KIF13A: variants seen among roughly 807,000 people sequenced by gnomAD.
KIF13A encodes kinesin-like protein KIF13A.
A neutral mutation model predicts 212.2 loss-of-function variants in KIF13A; 79 were observed. The observed-to-expected ratio is 0.37, with a 90% CI of 0.31 to 0.45. KIF13A has a LOEUF of 0.45. Among genes scored for constraint, KIF13A ranks in the 20% least tolerant of loss-of-function variants. The pLI, the probability that KIF13A is intolerant of heterozygous loss-of-function variation, is 1.00. For missense variants in KIF13A, 1,901 were observed against 2,209.0 expected (o/e 0.86, Z 2.79); for synonymous variants, 789 against 808.6 (o/e 0.98, Z 0.41).
At chr6:17,814,680 G>C (rs1451706991) in intron 17 of KIF13A, among the ~76,000 whole-genome samples, 1 of 152,144 alleles carries the variant, frequency 6.6e-6, no homozygotes, top group Admixed American at 6.5e-5. Flanking sequence ...TAAACTGATT[G>C]CCTGACCTAT....
rs1481985853 is a variant in KIF13A, at chr6:17,763,983, C to G, written c.*127G>C. ...AAACAGACTTGCTCTCCGACAGAGA[C>G]AGCTGTGCAGGAAGTGAGCCTGCTT... On this transcript the variant is annotated 3_prime_UTR_variant, in exon 39 of 39. Coordinates refer to ENST00000259711, the MANE Select transcript of KIF13A (RefSeq NM_022113.6). 7 of 1,451,644 alleles carry G rather than the reference C, an allele frequency of 4.8e-6. No individual in the cohort carries two copies. In the African/African-American group the frequency reaches 8.6e-5, roughly 18 times the overall value. The allele number at this position is 1,451,644 out of a possible 1,614,324, so 89.9% of individuals were successfully genotyped here. A position where few individuals can be genotyped will look rare whatever the true frequency, so the allele number is the denominator to read the frequency against.
chr6:17,828,456 C>T lies in KIF13A; in HGVS notation c.1402-86G>A, dbSNP rs555818229. On this transcript the variant is annotated intron_variant, in intron 13 of 38. Transcript: ENST00000259711. The surrounding 1 kb of genome is among the most constrained non-coding windows in gnomAD (Gnocchi z 4.3). ...ATCACAATCAATTTGAATAACGCAGCAGCATATGCACAAAAATATTAAACG... is the reference window on the plus strand; with the variant it reads ...ATCACAATCAATTTGAATAACGCAGTAGCATATGCACAAAAATATTAAACG... 2.7e-6 allele frequency: 3 copies of T among 1,107,282 alleles called. No individual in the cohort carries two copies. Among genetic ancestry groups the T allele is most frequent in the South Asian group, 1.6e-5 (1 of 61,174 alleles). 68.6% of individuals were successfully genotyped at this position (1,107,282 alleles called of 1,614,324 possible). A position where few individuals can be genotyped will look rare whatever the true frequency, so the allele number is the denominator to read the frequency against.
chr6:17,909,388 T>C (rs1457676168), intron 2 of KIF13A, among the ~76,000 whole-genome samples: 2 of 151,054 alleles, frequency 1.3e-5, no homozygotes, highest in East Asian at 2.0e-4. Context: ...ATACAAAAAT[T>C]AGCCGGGTGT....
chr6:17,884,890 A>G (rs1349226553), intron 3 of KIF13A, among the ~76,000 whole-genome samples: 1 of 152,172 alleles, frequency 6.6e-6, no homozygotes, highest in Non-Finnish European at 1.5e-5. Flanking sequence ...TAGCTTGCCA[A>G]TGTCCTGTTT....
chr6:17,900,646 C>T lies in KIF13A; in HGVS notation c.147-2466G>A, dbSNP rs1014443814. Among the ~76,000 whole-genome samples the T allele has an allele frequency of 9.8e-5, 15 of 152,338 alleles. No individual in the cohort carries two copies. Among genetic ancestry groups the T allele is most frequent in the African/African-American group, 3.6e-4 (15 of 41,578 alleles). ...AGGAAAAGTAAACCCTGTAGTGCAT[C>T]ATCACTGTACTTCATTCATTGATAC... On this transcript the variant is annotated intron_variant, in intron 2 of 38. Coordinates refer to ENST00000259711, the MANE Select transcript of KIF13A (RefSeq NM_022113.6). The surrounding 1 kb of genome is among the most constrained non-coding windows in gnomAD (Gnocchi z 4.6).
intron 3 of KIF13A, among the ~76,000 whole-genome samples, chr6:17,876,127 G>A (rs1478621723): frequency 6.6e-6 from 1 of 152,130 alleles, no homozygotes; most frequent in Non-Finnish European, 1.5e-5. Flanking sequence ...AGCAAATGCA[G>A]CCCAGGTGAC....
chr6:17,837,284 T>C lies in KIF13A; in HGVS notation c.942+188A>G, dbSNP rs1203018193. Among the ~76,000 whole-genome samples, 1 of 152,240 alleles carries C rather than the reference T, an allele frequency of 6.6e-6. No individual in the cohort carries two copies. On this transcript the variant is annotated intron_variant, in intron 10 of 38. Transcript: ENST00000259711. This position sits in a 1 kb window ranked among gnomAD's most constrained non-coding sequence, Gnocchi z 5.4. ...CTATATTCAAGCAATGAATAAGGCC[T>C]GTCAAACAGCATTCAAATGGAATAA...
At position 17,961,434 on chromosome 6, in the gene KIF13A, A is replaced by T. The variant is rs1019273087; in HGVS notation, c.146+25620T>A. 1.3e-5 allele frequency among the ~76,000 whole-genome samples: 2 copies of T among 152,228 alleles called. No homozygotes were observed. The highest frequency in any genetic ancestry group is 2.9e-5 in the Non-Finnish European group (2 of 68,030). ...AATTGGCCCAACAAGCACCAAGCAT[A>T]TTGTAAGCCCTTTATATTCTCCCCG... On this transcript the variant is annotated intron_variant, in intron 2 of 38. Transcript: ENST00000259711. The surrounding 1 kb of genome is among the most constrained non-coding windows in gnomAD (Gnocchi z 4.1).
At chr6:17,792,393 T>TA (rs1761667629) in intron 25 of KIF13A, among the ~76,000 whole-genome samples, 1 of 152,110 alleles carries the variant, frequency 6.6e-6, no homozygotes, top group Non-Finnish European at 1.5e-5. Context: ...AGAGGATTAT[T>TA]AAGTCTACTT....
rs1295964323 is a variant in KIF13A at position 17,888,287 on chromosome 6, GAGA to G, written c.159+9878_159+9880del. Among the ~76,000 whole-genome samples, 1 of 152,152 alleles carries G rather than the reference GAGA, an allele frequency of 6.6e-6. No homozygotes were observed. The highest frequency in any genetic ancestry group is 2.4e-5 in the African/African-American group (1 of 41,418). On this transcript the variant is annotated intron_variant, in intron 3 of 38. Coordinates refer to ENST00000259711, the MANE Select transcript of KIF13A (RefSeq NM_022113.6). The surrounding 1 kb of genome is among the most constrained non-coding windows in gnomAD (Gnocchi z 4.8). ...ACAATTCCTAGGAAAAACGTATAGT[GAGA>G]AGGTTATGCTGTCATTGAGTTCATG...
chr6:17,912,834 C>T lies in KIF13A; in HGVS notation c.147-14654G>A, dbSNP rs1409460083. Among the ~76,000 whole-genome samples, 1 of 152,184 alleles carries T rather than the reference C, an allele frequency of 6.6e-6. No homozygotes were observed. The highest frequency in any genetic ancestry group is 1.5e-5 in the Non-Finnish European group (1 of 68,038). ...TACTGGCCTCTGAACAGAGAAACTC[C>T]AAACAGACACTGATGGTAAAAGGAG... On this transcript the variant is annotated intron_variant, in intron 2 of 38. Transcript: ENST00000259711. This position sits in a 1 kb window ranked among gnomAD's most constrained non-coding sequence, Gnocchi z 4.2.
In KIF13A at chr6:17,787,838, T is replaced by C. The variant is rs1761189517; in HGVS notation, c.3299A>G (p.Asp1100Gly). The change falls in exon 27 of 39, where the codon GAT (aspartate) becomes GGT (glycine). Residue 1100 changes from aspartate to glycine, a missense_variant. This residue lies in a region of KIF13A where 168 missense variants were observed against 250.9 expected (regional missense o/e 0.67). Coordinates refer to ENST00000259711, the MANE Select transcript of KIF13A (RefSeq NM_022113.6). The surrounding 1 kb of genome is among the most constrained non-coding windows in gnomAD (Gnocchi z 4.6). ...GTATTCTCGTCGTTTAATGAGTGCA[T>C]CTGACCACCTCTCCCTTACGCAGTT... ...DLNCVRERWS[D>G]ALIKRREYLD... 6.2e-7 allele frequency: 1 copy of C among 1,613,224 alleles called. No homozygotes were observed. Among genetic ancestry groups the C allele is most frequent in the Non-Finnish European group, 8.5e-7 (1 of 1,179,176 alleles).
chr6:17,873,120 T>C, intron 4 of KIF13A: 1 of 366,776 alleles, frequency 2.7e-6, no homozygotes, highest in Non-Finnish European at 4.9e-6. Context: ...TTGGATGGAA[T>C]GAGGATAAAA....
In KIF13A at chr6:17,919,553, C is replaced by CA. The variant is rs956447435; in HGVS notation, c.147-21374dup. Among the ~76,000 whole-genome samples, 1 of 152,158 alleles carries CA rather than the reference C, an allele frequency of 6.6e-6. No individual in the cohort carries two copies. Among genetic ancestry groups the CA allele is most frequent in the Non-Finnish European group, 1.5e-5 (1 of 68,020 alleles). ...TCCAGAGTAAGAAAGCTGTGAGTATCAAAAATAGATGTTCTACAGCCCCAA... is the reference window on the plus strand; with the variant it reads ...TCCAGAGTAAGAAAGCTGTGAGTATCAAAAAATAGATGTTCTACAGCCCCAA... On this transcript the variant is annotated intron_variant, in intron 2 of 38. Transcript: ENST00000259711. This position sits in a 1 kb window ranked among gnomAD's most constrained non-coding sequence, Gnocchi z 4.1.
intron 4 of KIF13A, among the ~76,000 whole-genome samples, chr6:17,866,549 A>C (rs564474684): frequency 6.6e-6 from 1 of 152,206 alleles, no homozygotes; most frequent in Admixed American, 6.5e-5. Context: ...TCTTATCTGT[A>C]AAATGGGGGC....
chr6:17,854,544 TAA>T (rs1438970379), intron 6 of KIF13A, among the ~76,000 whole-genome samples: 22 of 131,404 alleles, frequency 1.7e-4, no homozygotes, highest in African/African-American at 5.9e-4. Context: ...TAAATCAGTA[TAA>T]TTTTTTTTTT....
At chr6:17,875,424 G>C (rs1057173484) in intron 3 of KIF13A, among the ~76,000 whole-genome samples, 2 of 151,308 alleles carry the variant, frequency 1.3e-5, no homozygotes, top group African/African-American at 4.9e-5. Context: ...TCCCCTGTAA[G>C]GACTCCCATC....
intron 4 of KIF13A, among the ~76,000 whole-genome samples, chr6:17,859,787 C>T (rs564933251): frequency 6.6e-6 from 1 of 151,702 alleles, no homozygotes; most frequent in African/African-American, 2.4e-5. Flanking sequence ...AGGTATGCAA[C>T]ACCAAGCCCG....
chr6:17,843,121 G>A lies in KIF13A; in HGVS notation c.831-5538C>T, dbSNP rs975154813. Among the ~76,000 whole-genome samples the A allele has an allele frequency of 1.3e-5, 2 of 152,076 alleles. No homozygotes were observed. Among genetic ancestry groups the A allele is most frequent in the African/African-American group, 2.4e-5 (1 of 41,392 alleles). On this transcript the variant is annotated intron_variant, in intron 9 of 38. Transcript: ENST00000259711. This position sits in a 1 kb window ranked among gnomAD's most constrained non-coding sequence, Gnocchi z 5.3. ...GATTGTGATTACCTTGAAGGCAGAC[G>A]GTGTAATTTGCCATACACATTCCTC...
Sources: gnomAD v4.1 joint callset for allele counts (sites outside exome capture counted in the v4.1 genomes callset) on GRCh38, gnomAD v4.1.1 for gene constraint, gnomAD v4.1.1 regional missense constraint, Gnocchi (gnomAD v3.1) non-coding constraint, MANE v1.5 for transcripts, NCBI Gene and HGNC (gene_info 2026-07-23, HGNC 2026-07-21) for gene names.